The following CCSER1 variants were observed in gnomAD, a reference collection of about 807,000 sequenced individuals.
The protein encoded by CCSER1 is coiled-coil serine rich protein 1.
Under a neutral mutation model 82.0 loss-of-function variants are expected in CCSER1, and 41 were observed. That is an observed-to-expected ratio of 0.50 (90% CI 0.39 to 0.65). The LOEUF (loss-of-function observed/expected upper bound fraction) is 0.65. CCSER1 is among the 30% of genes least tolerant of loss of function. The probability of loss-of-function intolerance (pLI) is 0.00; values close to 1 mark genes in which losing one functional copy is unlikely to be tolerated. For missense variants in CCSER1, 1,119 were observed against 1,064.2 expected, an observed-to-expected ratio of 1.05 and a Z score of -0.72; for synonymous variants, 414 against 383.9, an observed-to-expected ratio of 1.08 and a Z score of -0.92.
At chr4:91,306,881 G>T (rs1745105507) in intron 10 of CCSER1, among the ~76,000 whole-genome samples, 2 of 151,636 alleles carry the variant, frequency 1.3e-5, no homozygotes, top group Non-Finnish European at 1.5e-5. Flanking sequence ...TTTTTTTTCT[G>T]CTGCACTCTG....
intron 7 of CCSER1, among the ~76,000 whole-genome samples, chr4:90,811,119 A>G (rs7693132): frequency 0.33 from 50,751 of 151,992 alleles, 8,628 homozygotes; most frequent in East Asian, 0.42. Context: ...GGTTACAGGC[A>G]TGAGCCACCG....
At chr4:90,502,125 G>C (rs1054238391) in intron 5 of CCSER1, among the ~76,000 whole-genome samples, 1 of 152,054 alleles carries the variant, frequency 6.6e-6, no homozygotes, top group African/African-American at 2.4e-5. Context: ...TTCTCACACT[G>C]CTATCAAGAA....
intron 5 of CCSER1, among the ~76,000 whole-genome samples, chr4:90,531,440 C>T (rs368259854): frequency 3.9e-4 from 57 of 147,328 alleles, no homozygotes; most frequent in African/African-American, 1.3e-3. Flanking sequence ...AAATTACAAG[C>T]TGTTACTCAC....
chr4:91,085,647 C>A (rs1723306562), intron 9 of CCSER1, among the ~76,000 whole-genome samples: 1 of 152,024 alleles, frequency 6.6e-6, no homozygotes, highest in Admixed American at 6.6e-5. Context: ...CATACTAGTT[C>A]AAGTTTAAAC....
rs551703550 is a variant in CCSER1, at chr4:91,490,937, G to A, written c.2218-107635G>A. Among the ~76,000 whole-genome samples the A allele has an allele frequency of 5.1e-3, 342 of 66,662 alleles. 15 individuals are homozygous for A. The highest frequency in any genetic ancestry group is 0.017 in the African/African-American group (314 of 17,990). The allele number at this position is 66,662 out of a possible 152,430, so 43.7% of individuals were successfully genotyped here. On this transcript the variant is annotated intron_variant, in intron 10 of 10. Coordinates refer to ENST00000509176, the MANE Select transcript of CCSER1 (RefSeq NM_001145065.2). ...ATATATATATATATATAAAATATGCGTCTACTATGTACCCATAAAAATTAA... is the reference window on the plus strand; with the variant it reads ...ATATATATATATATATAAAATATGCATCTACTATGTACCCATAAAAATTAA...
chr4:90,606,711 T>A (rs1235880694), intron 5 of CCSER1, among the ~76,000 whole-genome samples: 2 of 152,168 alleles, frequency 1.3e-5, no homozygotes, highest in Non-Finnish European at 2.9e-5. Flanking sequence ...AAAATTATAT[T>A]TTGACAACTT....
intron 5 of CCSER1, among the ~76,000 whole-genome samples, chr4:90,480,679 G>T (rs1003475303): frequency 6.6e-6 from 1 of 152,130 alleles, no homozygotes; most frequent in African/African-American, 2.4e-5. Flanking sequence ...TCAAAGATCA[G>T]ATGGTTGCAT....
intron 5 of CCSER1, among the ~76,000 whole-genome samples, chr4:90,504,450 A>G (rs1444722721): frequency 6.6e-6 from 1 of 152,176 alleles, no homozygotes; most frequent in Non-Finnish European, 1.5e-5. Context: ...TGTTTTATAA[A>G]TGATAGCTGG....
intron 9 of CCSER1, among the ~76,000 whole-genome samples, chr4:90,936,859 A>C (rs1201636087): frequency 6.6e-6 from 1 of 152,166 alleles, no homozygotes; most frequent in Non-Finnish European, 1.5e-5. Flanking sequence ...TTTTAAAGAA[A>C]ATGGTTAGTA....
At chr4:91,435,516 C>T (rs990198473) in intron 10 of CCSER1, among the ~76,000 whole-genome samples, 2 of 151,954 alleles carry the variant, frequency 1.3e-5, no homozygotes, top group Non-Finnish European at 2.9e-5. Flanking sequence ...AAATAAATTG[C>T]TTTCTCTTAC....
chr4:91,388,981 A>G (rs1056283365), intron 10 of CCSER1, among the ~76,000 whole-genome samples: 1 of 152,044 alleles, frequency 6.6e-6, no homozygotes, highest in African/African-American at 2.4e-5. Context: ...TATTTTGAAT[A>G]ACAATCTTTT....
intron 10 of CCSER1, among the ~76,000 whole-genome samples, chr4:91,478,503 GA>G (rs1056385291): frequency 6.6e-6 from 1 of 151,772 alleles, no homozygotes; most frequent in Non-Finnish European, 1.5e-5. Flanking sequence ...TAAAAAAGAT[GA>G]AAAAATCGTA....
chr4:90,813,594 C>T (rs191772009), intron 7 of CCSER1, among the ~76,000 whole-genome samples: 9 of 152,286 alleles, frequency 5.9e-5, no homozygotes, highest in Admixed American at 2.6e-4. Context: ...GCATAAGTCT[C>T]ACAGATCTGA....
In CCSER1 at chr4:91,305,075, A is replaced by G. The variant is rs569484501; in HGVS notation, c.2217+219081A>G. ...ACATAGGAATAATTTGAATCTTTTC[A>G]TTCTCCCTAAGAAAAAATTAACAGA... On this transcript the variant is annotated intron_variant, in intron 10 of 10. Transcript: ENST00000509176. 1.2e-4 allele frequency among the ~76,000 whole-genome samples: 19 copies of G among 152,110 alleles called. No individual in the cohort carries two copies. In the East Asian group the frequency reaches 3.7e-3, roughly 30 times the overall value.
At position 90,174,088 on chromosome 4, in the gene CCSER1, T is replaced by A. The variant is rs534779857; in HGVS notation, c.-42+46257T>A. ...AGGTTTGTTAAATACATAAAATCAC[T>A]TTAATTTTGAGTAAGAAGGCAAGAA... On this transcript the variant is annotated intron_variant, in intron 1 of 10. Coordinates refer to ENST00000509176, the MANE Select transcript of CCSER1 (RefSeq NM_001145065.2). Among the ~76,000 whole-genome samples the A allele has an allele frequency of 6.6e-5, 10 of 152,012 alleles. No homozygotes were observed. In the South Asian group the frequency reaches 1.9e-3, roughly 28 times the overall value.
intron 1 of CCSER1, among the ~76,000 whole-genome samples, chr4:90,267,942 C>A (rs867608186): frequency 6.6e-6 from 1 of 152,166 alleles, no homozygotes; most frequent in African/African-American, 2.4e-5. Flanking sequence ...TCTAGTACAT[C>A]TGTCAGTAGA....
At chr4:91,087,922 T>A (rs527950759) in intron 10 of CCSER1, among the ~76,000 whole-genome samples, 2 of 152,050 alleles carry the variant, frequency 1.3e-5, no homozygotes, top group Non-Finnish European at 2.9e-5. Context: ...ATAAGACAAT[T>A]AGGTGAAGTA....
chr4:90,703,157 A>T (rs939713466), intron 6 of CCSER1, among the ~76,000 whole-genome samples: 1 of 152,160 alleles, frequency 6.6e-6, no homozygotes, highest in Non-Finnish European at 1.5e-5. Flanking sequence ...TGTCCCACAT[A>T]TTCTATTATG....
intron 3 of CCSER1, among the ~76,000 whole-genome samples, chr4:90,367,929 A>G (rs1349282742): frequency 6.6e-6 from 1 of 151,980 alleles, no homozygotes; most frequent in Non-Finnish European, 1.5e-5. Flanking sequence ...ACTGAAAAAA[A>G]GAAAAATATA....
Sources: allele counts gnomAD v4.1 joint callset (sites outside exome capture counted in the v4.1 genomes callset), GRCh38; gene constraint gnomAD v4.1.1; transcripts MANE v1.5; gene names NCBI Gene and HGNC (gene_info 2026-07-23, HGNC 2026-07-21).